The following WIF1 variants were observed in gnomAD, a reference collection of about 807,000 sequenced individuals.
WIF1 encodes the protein Wnt inhibitory factor 1.
A neutral mutation model predicts 53.5 loss-of-function variants in WIF1; 35 were observed. The observed-to-expected ratio is 0.65, with a 90% CI of 0.50 to 0.87. The LOEUF (loss-of-function observed/expected upper bound fraction) is 0.87, where lower values mean the gene tolerates loss of function less well. Among genes scored for constraint, WIF1 ranks in the 40% least tolerant of loss-of-function variants. WIF1 has a pLI of 0.00. For missense variants in WIF1, 467 were observed against 476.8 expected (o/e 0.98, Z 0.19); for synonymous variants, 171 against 170.4 (o/e 1.00, Z -0.03).
intron 2 of WIF1, among the ~76,000 whole-genome samples, chr12:65,118,462 C>T (rs1379189666): frequency 1.3e-5 from 2 of 150,564 alleles, no homozygotes; most frequent in East Asian, 2.0e-4. Flanking sequence ...ATTCTTCCCC[C>T]TCACCACCCT....
intron 9 of WIF1, among the ~76,000 whole-genome samples, chr12:65,051,750 G>A (rs1324163470): frequency 6.6e-6 from 1 of 152,210 alleles, no homozygotes; most frequent in Non-Finnish European, 1.5e-5. Context: ...CTGAATGGAA[G>A]TATAGTCTCC....
rs180754026 is a variant in WIF1, at chr12:65,105,608, C to T, written c.288+14809G>A. ...AGGGAAATGAAGGATTTTGTGGGGG[C>T]TTGGACTAGTGCACCAGGGTGTAGC... is the stretch of plus-strand genomic sequence containing the variant. On this transcript the variant is annotated intron_variant, in intron 2 of 9. Transcript: ENST00000286574. Among the ~76,000 whole-genome samples the T allele has an allele frequency of 4.3e-3, 653 of 152,162 alleles. 4 individuals carry two copies. The highest frequency in any genetic ancestry group is 0.01 in the Middle Eastern group (3 of 294).
chr12:65,093,821 C>G (rs1883161822), intron 2 of WIF1, among the ~76,000 whole-genome samples: 1 of 152,106 alleles, frequency 6.6e-6, no homozygotes, highest in South Asian at 2.1e-4. Context: ...CAGACTGATT[C>G]TGGCCCCAGT....
At chr12:65,089,665 C>G (rs1883094280) in intron 2 of WIF1, among the ~76,000 whole-genome samples, 1 of 152,128 alleles carries the variant, frequency 6.6e-6, no homozygotes, top group African/African-American at 2.4e-5. Context: ...TGTCATGAAT[C>G]TTATTTCATA....
At chr12:65,071,802 T>G (rs558441668) in intron 3 of WIF1, among the ~76,000 whole-genome samples, 1 of 152,248 alleles carries the variant, frequency 6.6e-6, no homozygotes, top group South Asian at 2.1e-4. Context: ...AACTAGGAAA[T>G]AAAGTTTAGA....
intron 5 of WIF1, among the ~76,000 whole-genome samples, chr12:65,067,386 A>G (rs1247233888): frequency 6.6e-6 from 1 of 152,048 alleles, no homozygotes; most frequent in Non-Finnish European, 1.5e-5. Context: ...GAATCAAGCT[A>G]CTTTCAACTG....
intron 3 of WIF1, among the ~76,000 whole-genome samples, chr12:65,076,012 A>G (rs910834675): frequency 6.6e-6 from 1 of 152,026 alleles, no homozygotes; most frequent in African/African-American, 2.4e-5. Flanking sequence ...ACTGTGACAA[A>G]TGACTTTTTA....
At chr12:65,093,076 T>C (rs1271702528) in intron 2 of WIF1, among the ~76,000 whole-genome samples, 2 of 152,000 alleles carry the variant, frequency 1.3e-5, no homozygotes, top group Non-Finnish European at 2.9e-5. Context: ...GAAGAGGAGA[T>C]TTTAATTACT....
rs530428675 is a variant in WIF1 at position 65,099,596 on chromosome 12, A to C, written c.288+20821T>G. On this transcript the variant is annotated intron_variant, in intron 2 of 9. Transcript: ENST00000286574. The stretch of plus-strand genomic sequence containing the variant: ...AGCCTGAAACAGAGTCTTTACTCAG[A>C]TATCAAGACTGCTGGTTCAAGTGAA... Among the ~76,000 whole-genome samples, 3 of 152,308 alleles carry C rather than the reference A, an allele frequency of 2.0e-5. No individual in the cohort carries two copies. The East Asian group carries it at 5.8e-4, about 29-fold the overall frequency.
intron 2 of WIF1, among the ~76,000 whole-genome samples, chr12:65,088,371 A>G (rs541816889): frequency 6.6e-6 from 1 of 151,980 alleles, no homozygotes; most frequent in Admixed American, 6.6e-5. Context: ...CTAATATCCA[A>G]TCCTGGTTCC....
intron 2 of WIF1, among the ~76,000 whole-genome samples, chr12:65,114,672 C>G (rs1254132957): frequency 1.3e-5 from 2 of 152,116 alleles, no homozygotes; most frequent in East Asian, 3.8e-4. Context: ...TTGATACGCT[C>G]TCTCTTGAGC....
chr12:65,104,048 C>T (rs1205128084), intron 2 of WIF1, among the ~76,000 whole-genome samples: 1 of 152,062 alleles, frequency 6.6e-6, no homozygotes, highest in Admixed American at 6.6e-5. Context: ...CTGGGCAACA[C>T]AGCAAGACTC....
At chr12:65,090,996 A>T (rs1214509141) in intron 2 of WIF1, among the ~76,000 whole-genome samples, 1 of 152,146 alleles carries the variant, frequency 6.6e-6, no homozygotes, top group African/African-American at 2.4e-5. Flanking sequence ...AGTAAGGTTC[A>T]GAATGAAAGC....
intron 2 of WIF1, among the ~76,000 whole-genome samples, chr12:65,085,215 G>A (rs1405980737): frequency 6.6e-6 from 1 of 152,078 alleles, no homozygotes; most frequent in Non-Finnish European, 1.5e-5. Context: ...CAAAATGCTT[G>A]GGACCAGAAG....
chr12:65,097,271 C>A (rs777949782), intron 2 of WIF1, among the ~76,000 whole-genome samples: 2 of 151,946 alleles, frequency 1.3e-5, no homozygotes, highest in Non-Finnish European at 2.9e-5. Context: ...CATAGAGTCA[C>A]AAGATGCAAG....
intron 2 of WIF1, among the ~76,000 whole-genome samples, chr12:65,101,205 A>C (rs1883277152): frequency 6.6e-6 from 1 of 152,168 alleles, no homozygotes. Context: ...TTGGTGAGTA[A>C]AAAGTTTTGC....
chr12:65,099,543 A>C (rs573047591), intron 2 of WIF1, among the ~76,000 whole-genome samples: 1 of 152,270 alleles, frequency 6.6e-6, no homozygotes, highest in Non-Finnish European at 1.5e-5. Flanking sequence ...TAGAGAGCAA[A>C]TTTAGCAGAA....
intron 3 of WIF1, among the ~76,000 whole-genome samples, chr12:65,076,237 A>G (rs1397840711): frequency 6.6e-6 from 1 of 151,802 alleles, no homozygotes; most frequent in Non-Finnish European, 1.5e-5. Context: ...CAGTCTCGCT[A>G]TGTTGCCCAG....
At position 65,077,776 on chromosome 12, in the gene WIF1, G is replaced by T; in HGVS notation, c.367C>A (p.Leu123Met). 1 of 1,613,842 alleles carries T rather than the reference G, an allele frequency of 6.2e-7. No homozygotes were observed. The highest frequency in any genetic ancestry group is 8.5e-7 in the Non-Finnish European group (1 of 1,179,798). Residue 123 changes from leucine to methionine, a missense_variant, in exon 3 of 10, where the codon CTG becomes ATG. Leu to Met is a conservative substitution (Grantham distance 15). Transcript: ENST00000286574. ...IMADPTVNVPLLGTVPHKASV... is the reference protein window; with the variant it reads ...IMADPTVNVPMLGTVPHKASV... Reference sequence around the variant, plus strand: ...GCCTTGTGAGGCACTGTTCCCAGCAGAGGGACATTGACGGTTGGATCTGCC... The same window carrying T: ...GCCTTGTGAGGCACTGTTCCCAGCATAGGGACATTGACGGTTGGATCTGCC...
Sources: allele counts gnomAD v4.1 joint callset (sites outside exome capture counted in the v4.1 genomes callset), GRCh38; gene constraint gnomAD v4.1.1; transcripts MANE v1.5; gene names NCBI Gene and HGNC (gene_info 2026-07-23, HGNC 2026-07-21).